The following CACHD1 variants were observed in gnomAD, a reference collection of about 807,000 sequenced individuals.
CACHD1 encodes VWFA and cache domain-containing protein 1.
CACHD1 carries 71 observed loss-of-function variants against 138.7 expected under a neutral mutation model. That is an observed-to-expected ratio of 0.51 (90% CI 0.42 to 0.62). The LOEUF is 0.62. CACHD1 is among the 20% of genes least tolerant of loss of function. CACHD1 has a pLI of 0.00. For synonymous variants in CACHD1, 578 were observed against 591.5 expected (o/e 0.98, Z 0.33); for missense variants, 1,389 against 1,625.3 (o/e 0.85, Z 2.50).
chr1:64,624,666 G>T (rs1648035967), intron 4 of CACHD1, among the ~76,000 whole-genome samples: 1 of 152,170 alleles, frequency 6.6e-6, no homozygotes, highest in Admixed American at 6.5e-5. Flanking sequence ...TGACTCTCAT[G>T]GCCCCTTCTT....
chr1:64,619,176 C>T (rs181245413), intron 4 of CACHD1, among the ~76,000 whole-genome samples: 3 of 152,186 alleles, frequency 2.0e-5, no homozygotes, highest in Admixed American at 6.5e-5. Flanking sequence ...GGAAGGACAA[C>T]GTCTGGGGGT....
intron 2 of CACHD1, among the ~76,000 whole-genome samples, chr1:64,579,618 C>A (rs1435165631): frequency 6.6e-6 from 1 of 152,036 alleles, no homozygotes; most frequent in Admixed American, 6.6e-5. Context: ...AAAGGTAGAA[C>A]TTGCTTCTTG....
chr1:64,554,666 A>G (rs1379744601), intron 2 of CACHD1, among the ~76,000 whole-genome samples: 6 of 152,164 alleles, frequency 3.9e-5, no homozygotes, highest in South Asian at 2.1e-4. Context: ...TGTTTTGTCA[A>G]ATATCTATGA....
intron 14 of CACHD1, 199 bp from the exon 15 acceptor site, chr1:64,664,299 G>C: frequency 8.4e-6 from 5 of 593,088 alleles, no homozygotes; most frequent in Non-Finnish European, 1.2e-5. Context: ...ACAATTGAGT[G>C]ATCACGCATC....
chr1:64,486,815 A>G (rs537719319), intron 1 of CACHD1, among the ~76,000 whole-genome samples: 3 of 152,336 alleles, frequency 2.0e-5, no homozygotes, highest in East Asian at 3.9e-4. Flanking sequence ...TTACATTCTT[A>G]TAAGAGGGAG....
chr1:64,567,781 T>C (rs1646894133), intron 2 of CACHD1, among the ~76,000 whole-genome samples: 1 of 152,210 alleles, frequency 6.6e-6, no homozygotes, highest in Admixed American at 6.5e-5. Context: ...TTGAGAGTCT[T>C]ACATCAGCTG....
chr1:64,540,261 C>T (rs140343578), intron 1 of CACHD1, among the ~76,000 whole-genome samples: 2,322 of 151,988 alleles, frequency 0.015, 31 homozygotes, highest in Non-Finnish European at 0.021. Flanking sequence ...CGCTAAATAC[C>T]TCCTTTTTTT....
At chr1:64,642,374 T>C (rs539695042) in intron 8 of CACHD1, among the ~76,000 whole-genome samples, 1 of 152,338 alleles carries the variant, frequency 6.6e-6, no homozygotes, top group East Asian at 1.9e-4. Flanking sequence ...ATATCACATT[T>C]TCCTGCAGAA....
intron 1 of CACHD1, among the ~76,000 whole-genome samples, chr1:64,492,091 TTC>T (rs1345738920): frequency 6.6e-6 from 1 of 151,986 alleles, no homozygotes; most frequent in Admixed American, 6.6e-5. Context: ...CCCTCAGTAT[TTC>T]TGTTTGAATT....
Position 64,470,239 on chromosome 1 carries a change from TC to T in CACHD1, c.-503del, listed in dbSNP as rs1452051413. 6.6e-6 allele frequency among the ~76,000 whole-genome samples: 1 copy of T among 151,846 alleles called. No individual in the cohort carries two copies. Among genetic ancestry groups the T allele is most frequent in the African/African-American group, 2.4e-5 (1 of 41,352 alleles). Reference sequence around the variant, plus strand: ...GTGTGGGTTTGTGAAGCCTCCCCTTTCCCTCCTCGCTCGGGTGGCTGCCCCA... The same window carrying T: ...GTGTGGGTTTGTGAAGCCTCCCCTTTCCTCCTCGCTCGGGTGGCTGCCCCA... On this transcript the variant is annotated 5_prime_UTR_variant, in exon 1 of 27. Transcript: ENST00000651257. The surrounding 1 kb of genome is among the most constrained non-coding windows in gnomAD (Gnocchi z 5.2).
chr1:64,675,983 G>T lies in CACHD1; in HGVS notation c.2975G>T (p.Arg992Leu). 1.8e-6 allele frequency: 2 copies of T among 1,129,804 alleles called. No homozygotes were observed. The highest frequency in any genetic ancestry group is 1.2e-6 in the Non-Finnish European group (1 of 846,166). 70.0% of individuals were successfully genotyped at this position (1,129,804 alleles called of 1,614,324 possible). ...GGCAACCTCACCAATGCAGAGAACC[G>T]GTAAAATAATTAATAATAATAATAA... ...CTGNLTNAEN[R>L]NPSCEVHQEP... Residue 992 changes from arginine (R) to leucine (L), a missense_variant and splice_region_variant, in exon 21 of 27, where the codon CGA becomes CTA. Transcript: ENST00000651257.
intron 26 of CACHD1, among the ~76,000 whole-genome samples, chr1:64,687,055 G>C (rs760262504): frequency 1.1e-4 from 17 of 152,194 alleles, no homozygotes; most frequent in Non-Finnish European, 2.5e-4. Flanking sequence ...CTTTTTGATA[G>C]ATGCCTGACC....
In CACHD1 at chr1:64,597,913, A is replaced by G. The variant is rs1398971890; in HGVS notation, c.411-4893A>G. 2.6e-5 allele frequency among the ~76,000 whole-genome samples: 4 copies of G among 152,200 alleles called. No homozygotes were observed. In the East Asian group the frequency reaches 7.7e-4, roughly 29 times the overall value. On this transcript the variant is annotated intron_variant, in intron 3 of 26. Transcript: ENST00000651257. ...GTGACATGTTTTTATAAAGTGTCCT[A>G]AGTATGAGCTTTATATTTCTCACAT... is the stretch of plus-strand genomic sequence containing the variant.
At chr1:64,602,718 C>G (rs1647232638) in intron 3 of CACHD1, 88 bp from the exon 4 acceptor site, 2 of 825,866 alleles carry the variant, frequency 2.4e-6, no homozygotes, top group South Asian at 2.8e-5. Flanking sequence ...ACGGGCTGAC[C>G]TATCTTGTAC....
In CACHD1 at chr1:64,537,899, A is replaced by AT. The variant is rs796979544; in HGVS notation, c.199-12685dup. 7.3e-4 allele frequency among the ~76,000 whole-genome samples: 109 copies of AT among 150,298 alleles called. 3 individuals are homozygous for AT. In the East Asian group the frequency reaches 0.019, roughly 27 times the overall value. ...GCCACCCTGCTGGTAAGTGGCAAAG[A>AT]TTTTTTTTTTAACTCCCCATTTTAT... On this transcript the variant is annotated intron_variant, in intron 1 of 26. Transcript: ENST00000651257.
At chr1:64,472,632 C>A (rs981070772) in intron 1 of CACHD1, among the ~76,000 whole-genome samples, 3 of 151,928 alleles carry the variant, frequency 2.0e-5, no homozygotes, top group African/African-American at 7.3e-5. Flanking sequence ...TTGCTGAGTT[C>A]TTAGGAGTGA....
At chr1:64,492,427 C>G (rs376069967) in intron 1 of CACHD1, among the ~76,000 whole-genome samples, 3 of 102,306 alleles carry the variant, frequency 2.9e-5, no homozygotes, top group Non-Finnish European at 7.5e-5. Context: ...GCTCTGGCCT[C>G]CATGTCCCCT....
intron 1 of CACHD1, among the ~76,000 whole-genome samples, chr1:64,522,154 T>C (rs1454775696): frequency 6.6e-6 from 1 of 152,182 alleles, no homozygotes; most frequent in Non-Finnish European, 1.5e-5. Flanking sequence ...GGTCCAACTT[T>C]ATTCTTTTAC....
intron 1 of CACHD1, among the ~76,000 whole-genome samples, chr1:64,477,257 C>T (rs1209801142): frequency 6.6e-6 from 1 of 152,154 alleles, no homozygotes; most frequent in Non-Finnish European, 1.5e-5. Flanking sequence ...AAACATGTAG[C>T]TCCTAAGCCT....
Sources: gnomAD v4.1 joint callset for allele counts (sites outside exome capture counted in the v4.1 genomes callset) on GRCh38, gnomAD v4.1.1 for gene constraint, Gnocchi (gnomAD v3.1) non-coding constraint, MANE v1.5 for transcripts, NCBI Gene and HGNC (gene_info 2026-07-23, HGNC 2026-07-21) for gene names.